The following CUX1 variants were observed in gnomAD, a reference collection of about 807,000 sequenced individuals.
CUX1 encodes protein CASP.
A neutral mutation model predicts 158.8 loss-of-function variants in CUX1; 31 were observed. The ratio of observed to expected loss-of-function variants is 0.20; its 90% confidence interval spans 0.15 to 0.26. The LOEUF (loss-of-function observed/expected upper bound fraction) is 0.26, where lower values mean the gene tolerates loss of function less well. Among genes scored for constraint, CUX1 ranks in the 10% least tolerant of loss-of-function variants. The pLI is 1.00. For synonymous variants in CUX1, 879 were observed against 862.1 expected (o/e 1.02, Z -0.34); for missense variants, 1,589 against 2,014.6 (o/e 0.79, Z 4.04).
chr7:102,256,054 C>T lies in CUX1; in HGVS notation c.*7012C>T. 1.0e-6 allele frequency: 1 copy of T among 985,442 alleles called. No individual in the cohort carries two copies. Among genetic ancestry groups the T allele is most frequent in the Middle Eastern group, 5.2e-4 (1 of 1,914 alleles). 61.0% of individuals were successfully genotyped at this position (985,442 alleles called of 1,614,324 possible). A position where few individuals can be genotyped will look rare whatever the true frequency, so the allele number is the denominator to read the frequency against. ...TTCATGAACCGAAGGGAAAACAGGC[C>T]TCCCCGACTCCCTCCAGTCTCCCAG... On this transcript the variant is annotated 3_prime_UTR_variant, in exon 24 of 24. Coordinates refer to ENST00000292535, the MANE Select transcript of CUX1 (RefSeq NM_181552.4).
At position 102,255,357 on chromosome 7, in the gene CUX1, A is replaced by G; in HGVS notation, c.*6315A>G. 1.0e-6 allele frequency: 1 copy of G among 981,980 alleles called. No homozygotes were observed. The highest frequency in any genetic ancestry group is 4.7e-5 in the South Asian group (1 of 21,072). 60.8% of individuals were successfully genotyped at this position (981,980 alleles called of 1,614,324 possible). A position where few individuals can be genotyped will look rare whatever the true frequency, so the allele number is the denominator to read the frequency against. ...AGTCTCCTCCAAAATGCTAACTTTA[A>G]AAGTTGGGCATTGTAGGCGAAAAAT... On this transcript the variant is annotated 3_prime_UTR_variant, in exon 24 of 24. Coordinates refer to ENST00000292535, the MANE Select transcript of CUX1 (RefSeq NM_181552.4).
intron 8 of CUX1, among the ~76,000 whole-genome samples, chr7:102,125,369 G>A (rs899541256): frequency 3.9e-5 from 6 of 152,182 alleles, no homozygotes; most frequent in Non-Finnish European, 2.9e-5. Flanking sequence ...TGAAGAGTTA[G>A]GACGGAGGCC....
chr7:102,230,445 A>G (rs1798837822), intron 21 of CUX1, among the ~76,000 whole-genome samples: 1 of 150,938 alleles, frequency 6.6e-6, no homozygotes, highest in Non-Finnish European at 1.5e-5. Flanking sequence ...CGGTGGCATC[A>G]CTGCACTCCA....
downstream of CUX1, among the ~76,000 whole-genome samples, chr7:102,259,032 T>G (rs1179223337): frequency 6.6e-6 from 1 of 152,094 alleles, no homozygotes; most frequent in African/African-American, 2.4e-5. Flanking sequence ...CTGGTGGAAG[T>G]GGGGGATGAC....
At chr7:102,091,469 T>G (rs533989304) in intron 4 of CUX1, among the ~76,000 whole-genome samples, 1 of 152,138 alleles carries the variant, frequency 6.6e-6, no homozygotes, top group African/African-American at 2.4e-5. Context: ...TAACTGGGAC[T>G]ACAGGTGTGT....
At chr7:102,131,571 G>T (rs1189993742) in intron 8 of CUX1, among the ~76,000 whole-genome samples, 2 of 151,748 alleles carry the variant, frequency 1.3e-5, no homozygotes, top group Non-Finnish European at 2.9e-5. Flanking sequence ...TTTAGTAAAT[G>T]GTAGAATAAC....
intron 20 of CUX1, among the ~76,000 whole-genome samples, chr7:102,217,506 C>T (rs1563428258): frequency 6.6e-6 from 1 of 152,276 alleles, no homozygotes; most frequent in Non-Finnish European, 1.5e-5. Context: ...CCCCACCGTA[C>T]CTTCCCATGT....
intron 1 of CUX1, among the ~76,000 whole-genome samples, chr7:101,855,918 G>A (rs1415449976): frequency 6.7e-6 from 1 of 150,042 alleles, no homozygotes; most frequent in African/African-American, 2.5e-5. Flanking sequence ...CTGGTTTAGC[G>A]CCTGTAATCC....
At chr7:101,901,639 C>T (rs905205471) in intron 1 of CUX1, among the ~76,000 whole-genome samples, 3 of 152,164 alleles carry the variant, frequency 2.0e-5, no homozygotes, top group Admixed American at 6.5e-5. Context: ...GCCAGTGGCC[C>T]ACCAGGCCCA....
At chr7:101,851,827 CTCT>C (rs1562928494) in intron 1 of CUX1, among the ~76,000 whole-genome samples, 1 of 54,668 alleles carries the variant, frequency 1.8e-5, no homozygotes, top group Non-Finnish European at 3.9e-5. Context: ...TCTTTCTTCT[CTCT>C]TTTTTTTTTT....
intron 1 of CUX1, among the ~76,000 whole-genome samples, chr7:101,837,828 C>CAAAA (rs200090006): frequency 1.8e-4 from 8 of 44,374 alleles, no homozygotes; most frequent in Admixed American, 3.9e-4. Flanking sequence ...GAGACCCTGT[C>CAAAA]AAAAAAAAAA....
chr7:102,073,161 C>CTTTTT (rs1826323524), intron 4 of CUX1, among the ~76,000 whole-genome samples: 3 of 47,080 alleles, frequency 6.4e-5, no homozygotes, highest in Admixed American at 2.6e-4. Context: ...AATCTCTTTT[C>CTTTTT]TTTCTTTTTT....
intron 2 of CUX1, among the ~76,000 whole-genome samples, chr7:102,009,044 C>T (rs1817695497): frequency 6.6e-6 from 1 of 152,140 alleles, no homozygotes; most frequent in South Asian, 2.1e-4. Context: ...ACCTGAATTG[C>T]AGTGTTCAGA....
intron 1 of CUX1, among the ~76,000 whole-genome samples, chr7:101,900,510 C>T (rs550544939): frequency 1.4e-4 from 22 of 152,176 alleles, no homozygotes; most frequent in Non-Finnish European, 2.9e-4. Flanking sequence ...AAGCTGGCTC[C>T]GAGATGGTAT....
intron 2 of CUX1, among the ~76,000 whole-genome samples, chr7:101,953,834 G>A (rs531328962): frequency 1.3e-5 from 2 of 151,572 alleles, no homozygotes; most frequent in African/African-American, 4.8e-5. Flanking sequence ...AAAAAAAAAA[G>A]CATTTGTTCA....
chr7:102,216,842 TTCTC>T (rs1192795400), intron 20 of CUX1, among the ~76,000 whole-genome samples: 4 of 120,692 alleles, frequency 3.3e-5, no homozygotes, highest in African/African-American at 6.5e-5. Context: ...CACACACACA[TTCTC>T]TCTCCCTCAC....
chr7:101,954,183 C>T (rs1002022578), intron 2 of CUX1, among the ~76,000 whole-genome samples: 1 of 152,076 alleles, frequency 6.6e-6, no homozygotes, highest in African/African-American at 2.4e-5. Flanking sequence ...AACAAGAGCC[C>T]ATCTCTATGA....
chr7:102,248,613 G>A lies in CUX1; in HGVS notation c.4089G>A (p.Arg1363=). 6.9e-7 allele frequency: 1 copy of A among 1,442,598 alleles called. No homozygotes were observed. The highest frequency in any genetic ancestry group is 9.1e-7 in the Non-Finnish European group (1 of 1,102,680). 89.4% of individuals were successfully genotyped at this position (1,442,598 alleles called of 1,614,324 possible). The stretch of plus-strand genomic sequence containing the variant: ...CCAAGTCTCAGGGAGAGGCCGAGCG[G>A]GAGGAGGTGCCGCGGCCGGCGGAGC... ...EEPKSQGEAE[R]EEVPRPAEQT... The change falls in exon 24 of 24, where the codon CGG becomes CGA. Residue 1363 remains arginine (R), a synonymous_variant. Transcript: ENST00000292535. The surrounding 1 kb of genome is among the most constrained non-coding windows in gnomAD (Gnocchi z 5.8).
At chr7:102,032,910 T>C (rs1185010829) in intron 3 of CUX1, among the ~76,000 whole-genome samples, 1 of 152,114 alleles carries the variant, frequency 6.6e-6, no homozygotes, top group Non-Finnish European at 1.5e-5. Flanking sequence ...AGACAATCCC[T>C]TTAGTAAAGT....
Sources: allele counts gnomAD v4.1 joint callset (sites outside exome capture counted in the v4.1 genomes callset), GRCh38; gene constraint gnomAD v4.1.1; non-coding constraint Gnocchi (gnomAD v3.1); transcripts MANE v1.5; gene names NCBI Gene and HGNC (gene_info 2026-07-23, HGNC 2026-07-21).